SNAP91: variants seen among roughly 807,000 people sequenced by gnomAD.
The protein encoded by SNAP91 is synaptosome associated protein 91, also known as clathrin coat assembly protein AP180.
SNAP91 carries 27 observed loss-of-function variants against 100.3 expected under a neutral mutation model. The observed-to-expected ratio is 0.27, with a 90% CI of 0.20 to 0.37. The LOEUF (loss-of-function observed/expected upper bound fraction) is 0.37. Ranked by LOEUF, SNAP91 falls within the 10% of genes least tolerant of loss-of-function variation. SNAP91 has a pLI of 1.00. For missense variants in SNAP91, 986 were observed against 1,123.7 expected (o/e 0.88, Z 1.75); for synonymous variants, 404 against 398.6 (o/e 1.01, Z -0.16).
intron 2 of SNAP91, among the ~76,000 whole-genome samples, chr6:83,679,925 T>G (rs1403727851): frequency 1.3e-5 from 2 of 152,158 alleles, no homozygotes; most frequent in Admixed American, 6.6e-5. Flanking sequence ...ACTTACATTT[T>G]TTTTTCAAAA....
intron 22 of SNAP91, among the ~76,000 whole-genome samples, chr6:83,584,364 A>C (rs1290023598): frequency 6.6e-6 from 1 of 152,196 alleles, no homozygotes; most frequent in Non-Finnish European, 1.5e-5. Flanking sequence ...GGCTAGAAGA[A>C]ATGACTCAAA....
At chr6:83,656,644 T>C in intron 7 of SNAP91, 110 bp downstream of exon 7, 1 of 542,680 alleles carries the variant, frequency 1.8e-6, no homozygotes, top group South Asian at 2.4e-5. Context: ...ACTATCATGA[T>C]ATTCCACACA....
chr6:83,568,039 T>C (rs1239598477), intron 26 of SNAP91, among the ~76,000 whole-genome samples: 1 of 151,514 alleles, frequency 6.6e-6, no homozygotes, highest in Non-Finnish European at 1.5e-5. Context: ...TAAAGACACA[T>C]GCACACGTAT....
intron 8 of SNAP91, among the ~76,000 whole-genome samples, chr6:83,629,688 T>C (rs1302169083): frequency 1.3e-5 from 2 of 152,140 alleles, no homozygotes; most frequent in African/African-American, 4.8e-5. Context: ...AGCTACTGAT[T>C]TGTGCACATT....
At chr6:83,602,859 G>A (rs1234646475) in intron 14 of SNAP91, among the ~76,000 whole-genome samples, 1 of 152,026 alleles carries the variant, frequency 6.6e-6, no homozygotes, top group Non-Finnish European at 1.5e-5. Context: ...CAAGGAGAAG[G>A]ACAGCATTAG....
chr6:83,579,293 G>A (rs578027458), intron 24 of SNAP91, among the ~76,000 whole-genome samples: 1 of 152,308 alleles, frequency 6.6e-6, no homozygotes, highest in South Asian at 2.1e-4. Context: ...ACTCTCAGCA[G>A]CTGGAGGCAT....
Position 83,553,394 on chromosome 6 carries a change from A to C in SNAP91, c.*902T>G, listed in dbSNP as rs544529722. On this transcript the variant is annotated 3_prime_UTR_variant, in exon 30 of 30. Coordinates refer to ENST00000369694, the MANE Select transcript of SNAP91 (RefSeq NM_001242792.2). The stretch of plus-strand genomic sequence containing the variant: ...ATTAACAGATGTACTAAAAACCCAC[A>C]GTAAAGTAAAGATATTTGCAGTAAT... 6 of 152,324 alleles carry C rather than the reference A, an allele frequency of 3.9e-5. No homozygotes were observed. The highest frequency in any genetic ancestry group is 1.2e-4 in the African/African-American group (5 of 41,590). 9.4% of individuals were successfully genotyped at this position (152,324 alleles called of 1,614,324 possible).
chr6:83,692,667 A>C (rs1050930111), intron 2 of SNAP91, among the ~76,000 whole-genome samples: 3 of 152,164 alleles, frequency 2.0e-5, no homozygotes, highest in Admixed American at 6.5e-5. Context: ...CTGATCACAA[A>C]TCAGTGCCCT....
intron 2 of SNAP91, among the ~76,000 whole-genome samples, chr6:83,687,333 A>C (rs1340171709): frequency 6.6e-6 from 1 of 152,236 alleles, no homozygotes; most frequent in African/African-American, 2.4e-5. Context: ...TCAGGATATA[A>C]GAATAATAAT....
Position 83,605,811 on chromosome 6 carries a change from G to A in SNAP91, c.1023-8C>T, listed in dbSNP as rs1459607715. ...CTAGATGGTTTAGAAGTGCTGAAAG[G>A]AAAATAAAACATTAAAATCAGATTT... On this transcript the variant is annotated splice_polypyrimidine_tract_variant and splice_region_variant and intron_variant, in intron 13 of 29. Coordinates refer to ENST00000369694, the MANE Select transcript of SNAP91 (RefSeq NM_001242792.2). 2 of 1,520,186 alleles carry A rather than the reference G, an allele frequency of 1.3e-6. No individual in the cohort carries two copies. The highest frequency in any genetic ancestry group is 2.5e-5 in the East Asian group (1 of 40,242). 94.2% of individuals were successfully genotyped at this position (1,520,186 alleles called of 1,614,324 possible).
intron 13 of SNAP91, among the ~76,000 whole-genome samples, chr6:83,606,810 T>C (rs2095644624): frequency 6.6e-6 from 1 of 152,230 alleles, no homozygotes. Context: ...ATTTCATAAA[T>C]ACAACTGGAC....
In SNAP91 at chr6:83,665,421, A is replaced by C; in HGVS notation, c.273+18T>G. ...GCCTCCTTCCTCCATCAAAAAAAGA[A>C]AAGTTTACTTAGTTTACCTCATTTC... On this transcript the variant is annotated intron_variant, in intron 3 of 29. Coordinates refer to ENST00000369694, the MANE Select transcript of SNAP91 (RefSeq NM_001242792.2). 6.2e-7 allele frequency: 1 copy of C among 1,603,536 alleles called. No homozygotes were observed. Among genetic ancestry groups the C allele is most frequent in the African/African-American group, 1.3e-5 (1 of 74,222 alleles).
At chr6:83,661,428 C>G in intron 5 of SNAP91, 74 bp downstream of exon 5, 1 of 838,858 alleles carries the variant, frequency 1.2e-6, no homozygotes, top group Non-Finnish European at 1.8e-6. Context: ...GGCATTTAAG[C>G]TTAGTTAAAA....
At chr6:83,693,668 T>G (rs749341750) in intron 2 of SNAP91, among the ~76,000 whole-genome samples, 1 of 152,190 alleles carries the variant, frequency 6.6e-6, no homozygotes, top group Non-Finnish European at 1.5e-5. Context: ...TCTCCACTAA[T>G]GCAAAATGTA....
intron 8 of SNAP91, among the ~76,000 whole-genome samples, chr6:83,637,744 C>G (rs1474973328): frequency 6.6e-6 from 1 of 152,200 alleles, no homozygotes; most frequent in East Asian, 1.9e-4. Context: ...CAAGAACCTG[C>G]ACCAGCATAA....
intron 7 of SNAP91, 134 bp from the exon 8 acceptor site, chr6:83,641,336 G>C (rs2097692499): frequency 2.1e-6 from 1 of 483,028 alleles, no homozygotes; most frequent in African/African-American, 2.0e-5. Context: ...CTTATATGAG[G>C]TATTAAGGCA....
intron 2 of SNAP91, among the ~76,000 whole-genome samples, chr6:83,697,330 A>ACG (rs1554372381): frequency 8.0e-6 from 1 of 125,142 alleles, no homozygotes; most frequent in East Asian, 2.3e-4. Context: ...AGCTGCACAC[A>ACG]CACACACACA....
chr6:83,605,108 CATAA>C (rs1157249215), intron 14 of SNAP91, among the ~76,000 whole-genome samples: 3 of 151,748 alleles, frequency 2.0e-5, no homozygotes, highest in South Asian at 2.1e-4. Context: ...TCCTGAGATC[CATAA>C]ATAAAGTGGG....
intron 2 of SNAP91, among the ~76,000 whole-genome samples, chr6:83,693,349 A>G (rs1456272212): frequency 6.6e-6 from 1 of 152,216 alleles, no homozygotes; most frequent in African/African-American, 2.4e-5. Flanking sequence ...TGCTCCACAC[A>G]TCGGCCTCTC....
Sources: allele counts gnomAD v4.1 joint callset (sites outside exome capture counted in the v4.1 genomes callset), GRCh38; gene constraint gnomAD v4.1.1; transcripts MANE v1.5; gene names NCBI Gene and HGNC (gene_info 2026-07-23, HGNC 2026-07-21).